GTF2A1L: variants seen among roughly 807,000 people sequenced by gnomAD.
GTF2A1L encodes general transcription factor IIA subunit 1 like.
In GTF2A1L, 48 loss-of-function variants were observed where a neutral mutation model predicts 49.7. The observed-to-expected ratio is 0.97, with a 90% CI of 0.77 to 1.23. The LOEUF is 1.23. GTF2A1L is among the 50% of genes most tolerant of loss of function. The probability of loss-of-function intolerance (pLI) is 0.00; values close to 1 mark genes in which losing one functional copy is unlikely to be tolerated. For synonymous variants in GTF2A1L, 246 were observed against 193.5 expected (o/e 1.27, Z -2.25); for missense variants, 736 against 564.8 (o/e 1.30, Z -3.07).
At chr2:48,629,802 A>G (rs1676476558) in intron 3 of GTF2A1L, among the ~76,000 whole-genome samples, 1 of 144,292 alleles carries the variant, frequency 6.9e-6, no homozygotes, top group South Asian at 2.3e-4. Context: ...TGTATGTGGT[A>G]AAAGGTAGGA....
At chr2:48,652,629 A>G (rs1273236695) in intron 6 of GTF2A1L, among the ~76,000 whole-genome samples, 1 of 151,312 alleles carries the variant, frequency 6.6e-6, no homozygotes, top group Non-Finnish European at 1.5e-5. Context: ...ACAACAAACA[A>G]ACAGCCAATT....
At chr2:48,625,895 C>T (rs544735239) in intron 3 of GTF2A1L, among the ~76,000 whole-genome samples, 2 of 143,892 alleles carry the variant, frequency 1.4e-5, no homozygotes, top group African/African-American at 2.5e-5. Context: ...TTTATTTTCG[C>T]TTTTGTAGCC....
At chr2:48,659,495 C>T (rs1678371235) in intron 6 of GTF2A1L, among the ~76,000 whole-genome samples, 1 of 151,752 alleles carries the variant, frequency 6.6e-6, no homozygotes, top group African/African-American at 2.4e-5. Flanking sequence ...AGATTTTTTT[C>T]TTTTTCTGCA....
At chr2:48,619,442 C>G (rs948049839) in intron 1 of GTF2A1L, among the ~76,000 whole-genome samples, 2 of 150,508 alleles carry the variant, frequency 1.3e-5, no homozygotes, top group African/African-American at 4.9e-5. Flanking sequence ...CGTACTCCAG[C>G]CTGGGTGACA....
At chr2:48,637,690 G>A (rs138634749) in intron 3 of GTF2A1L, among the ~76,000 whole-genome samples, 1 of 152,124 alleles carries the variant, frequency 6.6e-6, no homozygotes, top group African/African-American at 2.4e-5. Flanking sequence ...CCAGGAGTTG[G>A]TTTTTGAAAA....
At chr2:48,659,897 T>A (rs1314818718) in intron 6 of GTF2A1L, among the ~76,000 whole-genome samples, 1 of 152,162 alleles carries the variant, frequency 6.6e-6, no homozygotes, top group African/African-American at 2.4e-5. Context: ...ACTTTAGAAT[T>A]TTCTACATAT....
At chr2:48,627,261 A>G (rs1676341026) in intron 3 of GTF2A1L, among the ~76,000 whole-genome samples, 2 of 144,452 alleles carry the variant, frequency 1.4e-5, no homozygotes, top group Non-Finnish European at 3.1e-5. Context: ...AAACTCAACA[A>G]ATGGTAGTTT....
intron 5 of GTF2A1L, among the ~76,000 whole-genome samples, chr2:48,645,840 G>A (rs1677469613): frequency 6.6e-6 from 1 of 152,090 alleles, no homozygotes; most frequent in African/African-American, 2.4e-5. Context: ...AGTAGAGACA[G>A]GGTTTCACCG....
intron 3 of GTF2A1L, among the ~76,000 whole-genome samples, chr2:48,621,983 A>T (rs1676025305): frequency 6.6e-6 from 1 of 152,118 alleles, no homozygotes; most frequent in Admixed American, 6.6e-5. Context: ...TATGTTACTC[A>T]TATGTGTATA....
rs192253017 is a variant in GTF2A1L at position 48,640,235 on chromosome 2, C to T, written c.248-2167C>T. The stretch of plus-strand genomic sequence containing the variant: ...AATATAAAGCATTCTACCATAAAGA[C>T]GCATGCGAATGTTCATTACAGCACT... On this transcript the variant is annotated intron_variant, in intron 3 of 8. Transcript: ENST00000403751. Among the ~76,000 whole-genome samples, 20 of 152,172 alleles carry T rather than the reference C, an allele frequency of 1.3e-4. No individual in the cohort carries two copies. The East Asian group carries it at 1.7e-3, about 13-fold the overall frequency.
rs537449840 is a variant in GTF2A1L, at chr2:48,645,670, A to C, written c.388+553A>C. On this transcript the variant is annotated intron_variant, in intron 5 of 8. Coordinates refer to ENST00000403751, the MANE Select transcript of GTF2A1L (RefSeq NM_006872.5). ...TCAAAAATAAGTCCTTTTTTTTGAGATGGAGTCTCGCTCTGTCGCCCACGC... is the reference window on the plus strand; with the variant it reads ...TCAAAAATAAGTCCTTTTTTTTGAGCTGGAGTCTCGCTCTGTCGCCCACGC... 1.4e-4 allele frequency among the ~76,000 whole-genome samples: 21 copies of C among 152,190 alleles called. No homozygotes were observed. In the South Asian group the frequency reaches 4.1e-3, roughly 30 times the overall value.
rs115381463 is a variant in GTF2A1L, at chr2:48,622,461, A to G, written c.247+1171A>G. ...CTCTGTTTAAATAACATTCCTTTGGAGTTTTGTTAATCACTGTTTTATTTA... is the reference window on the plus strand; with the variant it reads ...CTCTGTTTAAATAACATTCCTTTGGGGTTTTGTTAATCACTGTTTTATTTA... On this transcript the variant is annotated intron_variant, in intron 3 of 8. Transcript: ENST00000403751. Among the ~76,000 whole-genome samples the G allele has an allele frequency of 3.7e-3, 558 of 151,502 alleles. 1 individual carries two copies. The highest frequency in any genetic ancestry group is 6.6e-3 in the Non-Finnish European group (452 of 67,992).
chr2:48,620,823 T>G (rs1244701759), intron 1 of GTF2A1L, 28 bp from the exon 2 acceptor site: 2 of 952,850 alleles, frequency 2.1e-6, no homozygotes, highest in Non-Finnish European at 2.8e-6. Context: ...ATAAATAAAA[T>G]GAAACTTTAA....
intron 3 of GTF2A1L, among the ~76,000 whole-genome samples, chr2:48,631,117 G>A (rs1292418308): frequency 6.6e-6 from 1 of 151,994 alleles, no homozygotes; most frequent in African/African-American, 2.4e-5. Flanking sequence ...TGGTATAAAG[G>A]CGACGCTGGC....
intron 6 of GTF2A1L, among the ~76,000 whole-genome samples, chr2:48,664,569 A>G (rs1304908244): frequency 6.6e-6 from 1 of 152,146 alleles, no homozygotes; most frequent in African/African-American, 2.4e-5. Flanking sequence ...TTAGTTTCAT[A>G]GAATGAATTG....
chr2:48,667,903 C>G (rs966440398), intron 6 of GTF2A1L, among the ~76,000 whole-genome samples: 4 of 152,138 alleles, frequency 2.6e-5, no homozygotes, highest in African/African-American at 9.7e-5. Context: ...CCATGACTTG[C>G]AAACTCAGAA....
chr2:48,674,963 G>A (rs1274235182), intron 8 of GTF2A1L, among the ~76,000 whole-genome samples: 1 of 152,054 alleles, frequency 6.6e-6, no homozygotes, highest in Non-Finnish European at 1.5e-5. Flanking sequence ...ATTTTAAAAG[G>A]GGAGTGATGT....
At chr2:48,670,111 G>A in intron 7 of GTF2A1L, 129 bp downstream of exon 7, 1 of 1,336,162 alleles carries the variant, frequency 7.5e-7, no homozygotes, top group Non-Finnish European at 9.8e-7. Flanking sequence ...ACTTATTTGG[G>A]GCCGGGCACG....
At chr2:48,646,277 T>A (rs1432876796) in intron 5 of GTF2A1L, among the ~76,000 whole-genome samples, 176 bp from the exon 6 acceptor site, 1 of 151,206 alleles carries the variant, frequency 6.6e-6, no homozygotes, top group Non-Finnish European at 1.5e-5. Context: ...ATATTGATTG[T>A]AGAAATCCAA....
Sources: gnomAD v4.1 joint callset for allele counts (sites outside exome capture counted in the v4.1 genomes callset) on GRCh38, gnomAD v4.1.1 for gene constraint, MANE v1.5 for transcripts, NCBI Gene and HGNC (gene_info 2026-07-23, HGNC 2026-07-21) for gene names.